The following ZNF782 variants were observed in gnomAD, a reference collection of about 807,000 sequenced individuals.
ZNF782 encodes zinc finger protein 782.
A neutral mutation model predicts 13.0 loss-of-function variants in ZNF782; 12 were observed. That is an observed-to-expected ratio of 0.92 (90% confidence interval 0.59 to 1.50). The LOEUF is 1.50. ZNF782 is among the 40% of genes most tolerant of loss of function. The probability of loss-of-function intolerance (pLI) is 0.00; values close to 1 mark genes in which losing one functional copy is unlikely to be tolerated. For synonymous variants in ZNF782, 284 were observed against 283.0 expected, an observed-to-expected ratio of 1.00 and a Z score of -0.04; for missense variants, 770 against 822.9, an observed-to-expected ratio of 0.94 and a Z score of 0.79.
At chr9:96,903,915 T>C in the ZNF782 span, among the ~76,000 whole-genome samples, 40 of 151,910 alleles carry the variant, frequency 2.6e-4, no homozygotes, top group Non-Finnish European at 5.0e-4. Flanking sequence ...GTGGGTCATA[T>C]AGTAAGTATA....
chr9:96,835,788 C>T (rs1428971924), intron 4 of ZNF782, among the ~76,000 whole-genome samples: 1 of 152,150 alleles, frequency 6.6e-6, no homozygotes, highest in African/African-American at 2.4e-5. Flanking sequence ...CCCTATAGGC[C>T]CAGGCAGAGA....
chr9:96,872,347 G>A (rs1851838262), intron 1 of ZNF782, among the ~76,000 whole-genome samples: 1 of 151,990 alleles, frequency 6.6e-6, no homozygotes, highest in African/African-American at 2.4e-5. Context: ...CCTGGTCAAC[G>A]TGGTGAAACC....
At chr9:96,863,672 G>A (rs1030128089) in intron 1 of ZNF782, among the ~76,000 whole-genome samples, 3 of 152,202 alleles carry the variant, frequency 2.0e-5, no homozygotes, top group African/African-American at 7.2e-5. Flanking sequence ...ACGGAATACT[G>A]CTGAGCCATA....
chr9:96,884,876 TA>T, the ZNF782 span, among the ~76,000 whole-genome samples: 22 of 151,978 alleles, frequency 1.4e-4, no homozygotes, highest in Non-Finnish European at 2.8e-4. Flanking sequence ...GGATACAATT[TA>T]AAAAATGCTT....
At chr9:96,859,241 G>T (rs1411274532), upstream of ZNF782, among the ~76,000 whole-genome samples, 1 of 152,224 alleles carries the variant, frequency 6.6e-6, no homozygotes, top group Non-Finnish European at 1.5e-5. Flanking sequence ...CTAGTGCTGT[G>T]CCGCGCTTGG....
intron 4 of ZNF782, among the ~76,000 whole-genome samples, chr9:96,833,824 A>G (rs1401993356): frequency 6.6e-6 from 1 of 152,122 alleles, no homozygotes; most frequent in Non-Finnish European, 1.5e-5. Context: ...TATTTATTCA[A>G]TTATTTATAT....
chr9:96,911,510 G>GGTTT, the ZNF782 span, among the ~76,000 whole-genome samples: 47 of 109,684 alleles, frequency 4.3e-4, no homozygotes, highest in Non-Finnish European at 8.2e-4. Context: ...TTTTTTTTTT[G>GGTTT]TTTTTGTTTT....
intron 4 of ZNF782, among the ~76,000 whole-genome samples, chr9:96,832,366 C>G (rs10979240): frequency 2.6e-5 from 4 of 152,148 alleles, no homozygotes; most frequent in African/African-American, 4.8e-5. Flanking sequence ...CTTCAACCAT[C>G]AAACAAAATT....
chr9:96,910,171 C>T, the ZNF782 span: 4 of 836,410 alleles, frequency 4.8e-6, no homozygotes, highest in African/African-American at 7.0e-5. Context: ...ATGGAAGAGA[C>T]GCCCCTGCTA....
At chr9:96,926,711 GA>G in the ZNF782 span, among the ~76,000 whole-genome samples, 3 of 152,182 alleles carry the variant, frequency 2.0e-5, no homozygotes. Flanking sequence ...AAGGAGGGGA[GA>G]ACCCTGGGCT....
At chr9:96,822,044 T>C (rs181818681) in intron 5 of ZNF782, among the ~76,000 whole-genome samples, 102 of 152,350 alleles carry the variant, frequency 6.7e-4, no homozygotes, top group African/African-American at 2.4e-3. Flanking sequence ...TTCGTTCTGA[T>C]ATACTTTATA....
the ZNF782 span, chr9:96,895,567 C>A: frequency 6.6e-6 from 1 of 150,590 alleles, no homozygotes; most frequent in African/African-American, 2.5e-5. Flanking sequence ...CCAAAGGGAC[C>A]TATAGCACTT....
At chr9:96,910,858 G>C in the ZNF782 span, among the ~76,000 whole-genome samples, 1 of 149,832 alleles carries the variant, frequency 6.7e-6, no homozygotes, top group Admixed American at 6.7e-5. Context: ...GTATGGTCTC[G>C]ATCTCCTGAC....
At position 96,821,915 on chromosome 9, in the gene ZNF782, T is replaced by C. The variant is rs538222314; in HGVS notation, c.245-2137A>G. On this transcript the variant is annotated intron_variant, in intron 5 of 5. Coordinates refer to ENST00000481138, the MANE Select transcript of ZNF782 (RefSeq NM_001001662.3). ...TTCTGACCTCGTGATCTGCCCACCTTAGCCTTCCAAAGTGCTGGGATTACA... is the reference window on the plus strand; with the variant it reads ...TTCTGACCTCGTGATCTGCCCACCTCAGCCTTCCAAAGTGCTGGGATTACA... Among the ~76,000 whole-genome samples, 6 of 152,322 alleles carry C rather than the reference T, an allele frequency of 3.9e-5. 1 individual carries two copies. Among genetic ancestry groups the C allele is most frequent in the African/African-American group, 1.2e-4 (5 of 41,574 alleles).
chr9:96,871,732 T>A (rs1296367680), intron 1 of ZNF782, among the ~76,000 whole-genome samples: 1 of 152,156 alleles, frequency 6.6e-6, no homozygotes, highest in Non-Finnish European at 1.5e-5. Context: ...CAAAACTAAA[T>A]AAAGGTAAAA....
the ZNF782 span, chr9:96,889,303 CTCTT>C: frequency 6.6e-6 from 1 of 152,222 alleles, no homozygotes; most frequent in African/African-American, 2.4e-5. Context: ...ACGCCACCAT[CTCTT>C]TCTCTATCCA....
intron 4 of ZNF782, among the ~76,000 whole-genome samples, chr9:96,836,644 G>A (rs1851013024): frequency 1.3e-5 from 2 of 152,064 alleles, no homozygotes. Flanking sequence ...GGGAGCTAGG[G>A]GCAGAATGGT....
chr9:96,928,949 C>T, the ZNF782 span: 3 of 1,536,560 alleles, frequency 2.0e-6, no homozygotes, highest in South Asian at 2.3e-5. Flanking sequence ...AGTCAGGTCA[C>T]TCTCTGGGTC....
intron 1 of ZNF782, among the ~76,000 whole-genome samples, chr9:96,863,647 T>C (rs936379853): frequency 2.0e-5 from 3 of 152,156 alleles, no homozygotes; most frequent in Admixed American, 6.6e-5. Flanking sequence ...AAAGAAAATA[T>C]AGAATATATG....
Sources: gnomAD v4.1 joint callset for allele counts (sites outside exome capture counted in the v4.1 genomes callset) on GRCh38, gnomAD v4.1.1 for gene constraint, MANE v1.5 for transcripts, NCBI Gene and HGNC (gene_info 2026-07-23, HGNC 2026-07-21) for gene names.